The following GRM1 variants were observed in gnomAD, a reference collection of about 807,000 sequenced individuals.
GRM1 encodes the protein glutamate metabotropic receptor 1.
A neutral mutation model predicts 90.9 loss-of-function variants in GRM1; 33 were observed. That is an observed-to-expected ratio of 0.36 (90% confidence interval 0.28 to 0.49). GRM1 has a LOEUF of 0.49. Among genes scored for constraint, GRM1 ranks in the 20% least tolerant of loss-of-function variants. The pLI is 0.99. For synonymous variants in GRM1, 700 were observed against 613.2 expected (o/e 1.14, Z -2.09); for missense variants, 1,190 against 1,534.3 (o/e 0.78, Z 3.75).
intron 1 of GRM1, among the ~76,000 whole-genome samples, chr6:146,050,577 G>C (rs1268075174): frequency 3.3e-5 from 5 of 151,948 alleles, no homozygotes; most frequent in Admixed American, 2.0e-4. Flanking sequence ...ATTTTTAAGA[G>C]GGGGGAGGGG....
At chr6:146,288,112 C>T (rs1449505961) in intron 2 of GRM1, among the ~76,000 whole-genome samples, 2 of 152,162 alleles carry the variant, frequency 1.3e-5, no homozygotes, top group African/African-American at 4.8e-5. Flanking sequence ...TTTTAAGGAA[C>T]ATGATAGAAA....
At chr6:146,415,824 G>A (rs1406144811) in intron 7 of GRM1, among the ~76,000 whole-genome samples, 1 of 152,138 alleles carries the variant, frequency 6.6e-6, no homozygotes, top group East Asian at 1.9e-4. Flanking sequence ...TCACAAATAA[G>A]CATTGAATTT....
chr6:146,355,466 T>C (rs1206940037), intron 4 of GRM1, among the ~76,000 whole-genome samples: 1 of 152,224 alleles, frequency 6.6e-6, no homozygotes, highest in East Asian at 1.9e-4. Flanking sequence ...TCATTCTAAG[T>C]GCATTTTGTT....
At chr6:146,292,817 T>C (rs1359708742) in intron 2 of GRM1, among the ~76,000 whole-genome samples, 2 of 151,920 alleles carry the variant, frequency 1.3e-5, no homozygotes, top group Non-Finnish European at 2.9e-5. Context: ...CATGTATACA[T>C]ATGTTTATAG....
Position 146,392,713 on chromosome 6 carries a change from G to A in GRM1, c.1729+5697G>A, listed in dbSNP as rs372362365. ...CCCACACTCCCTGACAGTCTCTGGC[G>A]TATGATGTTCCCCTCGCTATGCCCA... On this transcript the variant is annotated intron_variant, in intron 6 of 7. Transcript: ENST00000282753. Among the ~76,000 whole-genome samples, 123 of 152,100 alleles carry A rather than the reference G, an allele frequency of 8.1e-4. 1 individual carries two copies. The South Asian group carries it at 0.022, about 28-fold the overall frequency.
chr6:146,404,047 C>T (rs899654067), intron 7 of GRM1, among the ~76,000 whole-genome samples: 1 of 152,048 alleles, frequency 6.6e-6, no homozygotes, highest in Non-Finnish European at 1.5e-5. Context: ...TGAAAGAACT[C>T]ATTTACTATT....
chr6:146,257,849 T>C (rs1781543712), intron 2 of GRM1, among the ~76,000 whole-genome samples: 1 of 152,068 alleles, frequency 6.6e-6, no homozygotes, highest in Non-Finnish European at 1.5e-5. Context: ...CAAATTTTAT[T>C]GGGAAACACT....
intron 2 of GRM1, among the ~76,000 whole-genome samples, chr6:146,260,803 G>GTTTTTT (rs1248885399): frequency 5.5e-5 from 4 of 72,654 alleles, no homozygotes; most frequent in East Asian, 3.2e-4. Flanking sequence ...AGGTTATTTG[G>GTTTTTT]GTTTTTTTTT....
At chr6:146,092,390 C>A (rs903599792) in intron 1 of GRM1, among the ~76,000 whole-genome samples, 22 of 152,100 alleles carry the variant, frequency 1.4e-4, no homozygotes, top group Admixed American at 1.0e-3. Context: ...CTATCTTCAC[C>A]TTTTGCAGGT....
intron 2 of GRM1, among the ~76,000 whole-genome samples, chr6:146,266,872 G>C (rs1781908757): frequency 6.6e-6 from 1 of 152,172 alleles, no homozygotes; most frequent in Non-Finnish European, 1.5e-5. Flanking sequence ...TCCATAACAG[G>C]ATTTGTTTTT....
intron 4 of GRM1, among the ~76,000 whole-genome samples, chr6:146,353,547 G>A (rs567373204): frequency 3.3e-5 from 5 of 152,320 alleles, no homozygotes; most frequent in Admixed American, 1.3e-4. Context: ...GTGGAGGCAA[G>A]TGCTCTCACT....
rs779411297 is a variant in GRM1, at chr6:146,434,348, C to T, written c.3137C>T (p.Pro1046Leu). 1.4e-5 allele frequency: 22 copies of T among 1,612,482 alleles called. No homozygotes were observed. In the South Asian group the frequency reaches 2.3e-4, roughly 17 times the overall value. ...GVVSNFSTAI[P>L]DFHAVLAGPG... ...GTCAGCAACTTCAGTACCGCGATCC[C>T]GGATTTTCACGCGGTGCTGGCAGGC... Residue 1046 changes from proline (P) to leucine (L), a missense_variant, in exon 8 of 8, where the codon CCG (proline) becomes CTG (leucine). Physicochemically the swap from Pro to Leu is moderately conservative, Grantham distance 98 (BLOSUM62 -3). Around this residue, in one of 10 missense-constraint regions of GRM1, gnomAD observed 400 missense variants for 360.8 expected, o/e 1.11. Transcript: ENST00000282753.
At position 146,120,583 on chromosome 6, in the gene GRM1, A is replaced by G. The variant is rs552988217; in HGVS notation, c.701-38765A>G. Among the ~76,000 whole-genome samples, 15 of 152,302 alleles carry G rather than the reference A, an allele frequency of 9.8e-5. No homozygotes were observed. The East Asian group carries it at 2.1e-3, about 22-fold the overall frequency. On this transcript the variant is annotated intron_variant, in intron 1 of 7. Transcript: ENST00000282753. ...GATATTGGCTGTGGGTTTGTCATAA[A>G]TAGTTCTTATTATTTTGAGATACGT... is the stretch of plus-strand genomic sequence containing the variant.
At chr6:146,094,583 T>A (rs1284989284) in intron 1 of GRM1, among the ~76,000 whole-genome samples, 1 of 152,154 alleles carries the variant, frequency 6.6e-6, no homozygotes, top group African/African-American at 2.4e-5. Context: ...TAGGTTACCC[T>A]GTGTATGTGT....
At chr6:146,132,288 G>C (rs560819725) in intron 1 of GRM1, among the ~76,000 whole-genome samples, 11 of 152,232 alleles carry the variant, frequency 7.2e-5, no homozygotes, top group African/African-American at 1.9e-4. Context: ...GATGTGGTGG[G>C]GGGGGACCAC....
intron 1 of GRM1, among the ~76,000 whole-genome samples, chr6:146,155,042 T>C (rs899156436): frequency 6.6e-6 from 1 of 152,220 alleles, no homozygotes; most frequent in Non-Finnish European, 1.5e-5. Flanking sequence ...ATTGGGCTGA[T>C]ACAACAAATG....
At chr6:146,142,937 T>G (rs191043228) in intron 1 of GRM1, among the ~76,000 whole-genome samples, 13 of 152,290 alleles carry the variant, frequency 8.5e-5, no homozygotes, top group African/African-American at 3.1e-4. Context: ...CTCTTCACTT[T>G]TCTCTCTGCT....
At chr6:146,189,248 C>A (rs1337146098) in intron 2 of GRM1, among the ~76,000 whole-genome samples, 2 of 152,134 alleles carry the variant, frequency 1.3e-5, no homozygotes, top group Non-Finnish European at 2.9e-5. Context: ...GGTTCCTATG[C>A]AATGGACTAT....
At chr6:146,372,797 C>G (rs1484291188) in intron 5 of GRM1, among the ~76,000 whole-genome samples, 3 of 152,068 alleles carry the variant, frequency 2.0e-5, no homozygotes, top group Non-Finnish European at 4.4e-5. Flanking sequence ...CCTGGATTCT[C>G]TATTCTGATG....
Sources: allele counts gnomAD v4.1 joint callset (sites outside exome capture counted in the v4.1 genomes callset), GRCh38; gene constraint gnomAD v4.1.1; regional missense constraint gnomAD v4.1.1; transcripts MANE v1.5; gene names NCBI Gene and HGNC (gene_info 2026-07-23, HGNC 2026-07-21).